SOD2: variants seen among roughly 807,000 people sequenced by gnomAD.
The protein encoded by SOD2 is superoxide dismutase 2, also known as superoxide dismutase [Mn], mitochondrial.
Under a neutral mutation model 27.0 loss-of-function variants are expected in SOD2, and 11 were observed. That is an observed-to-expected ratio of 0.41 (90% CI 0.26 to 0.67). The LOEUF (loss-of-function observed/expected upper bound fraction) is 0.67. Among genes scored for constraint, SOD2 ranks in the 30% least tolerant of loss-of-function variants. The pLI, the probability that SOD2 is intolerant of heterozygous loss-of-function variation, is 0.34. For missense variants in SOD2, 250 were observed against 274.5 expected, an observed-to-expected ratio of 0.91 and a Z score of 0.63; for synonymous variants, 105 against 103.0, an observed-to-expected ratio of 1.02 and a Z score of -0.12.
chr6:159,748,953 G>A (rs1279423317), upstream of SOD2: 78 of 1,089,708 alleles, frequency 7.2e-5, no homozygotes, highest in Non-Finnish European at 8.6e-5. The surrounding 1 kb of genome is among the most constrained non-coding windows in gnomAD (Gnocchi z 5.6). Context: ...TGCCTTTAAA[G>A]GGTTTATTTG....
chr6:159,690,041 T>C (rs1286925151), intron 2 of SOD2, among the ~76,000 whole-genome samples: 1 of 151,312 alleles, frequency 6.6e-6, no homozygotes, highest in Admixed American at 6.6e-5. Flanking sequence ...CCCAGCACTT[T>C]GGGAGGCTGA....
chr6:159,739,061 TTCAAAAACA>T, intron 1 of SOD2: 1 of 1,602,986 alleles, frequency 6.2e-7, no homozygotes. Flanking sequence ...ATGTTCTCTG[TTCAAAAACA>T]AAGTCTTTCT....
rs180937395 is a variant in SOD2 at position 159,754,889 on chromosome 6, T to G, written c.-336+6148A>C. ...CATATTTTAAGATTCCAAGCAAAAT[T>G]TTTAAATGTAGTGTGATTTTAGAAT... On this transcript the variant is annotated intron_variant, in intron 1 of 7. Coordinates refer to the SOD2 transcript ENST00000546087. 8,097 of 970,622 alleles carry G rather than the reference T, an allele frequency of 8.3e-3. 49 individuals carry two copies. Among genetic ancestry groups the G allele is most frequent in the Non-Finnish European group, 0.011 (7,381 of 692,470 alleles). The allele number at this position is 970,622 out of a possible 1,614,324, so 60.1% of individuals were successfully genotyped here.
At chr6:159,695,599 A>G (rs1272155463), upstream of SOD2, among the ~76,000 whole-genome samples, 1 of 152,110 alleles carries the variant, frequency 6.6e-6, no homozygotes, top group East Asian at 1.9e-4. Context: ...GGCTCATGTC[A>G]TTCTTCCACC....
intron 1 of SOD2, among the ~76,000 whole-genome samples, chr6:159,711,134 A>C (rs76479338): frequency 7.9e-5 from 7 of 88,404 alleles, no homozygotes; most frequent in South Asian, 7.6e-4. Flanking sequence ...TCTGATCACC[A>C]TAACCACCTC....
upstream of SOD2, among the ~76,000 whole-genome samples, chr6:159,727,860 G>C (rs111531886): frequency 0.037 from 5,678 of 152,120 alleles, 171 homozygotes; most frequent in Non-Finnish European, 0.055. Flanking sequence ...CTACCTTCCC[G>C]CCTGCGGGGA....
chr6:159,691,529 G>A (rs564234538), intron 2 of SOD2: 2 of 152,166 alleles, frequency 1.3e-5, no homozygotes, highest in African/African-American at 4.8e-5. Flanking sequence ...TTTTTACTAC[G>A]TAGCTTACCA....
At chr6:159,703,039 G>C (rs1371792664) in intron 1 of SOD2, among the ~76,000 whole-genome samples, 1 of 152,040 alleles carries the variant, frequency 6.6e-6, no homozygotes, top group East Asian at 1.9e-4. Context: ...TTCCGGCCAG[G>C]CATGGTGGCT....
At chr6:159,726,733 AC>A (rs1778186257) in intron 1 of SOD2, 2 of 1,277,166 alleles carry the variant, frequency 1.6e-6, no homozygotes, top group Non-Finnish European at 2.0e-6. Flanking sequence ...ACGCCAGAGA[AC>A]AATAGCTCCT....
At chr6:159,738,956 G>A in intron 1 of SOD2, 1 of 1,546,698 alleles carries the variant, frequency 6.5e-7, no homozygotes, top group Non-Finnish European at 8.9e-7. Context: ...TCTTCAGGAA[G>A]AACACTAAAT....
chr6:159,692,898 G>A (rs751856400), intron 1 of SOD2, 35 bp from the exon 2 acceptor site: 1 of 1,530,854 alleles, frequency 6.5e-7, no homozygotes. Flanking sequence ...GTCAGTCAGC[G>A]CCGCGGGACC....
chr6:159,713,221 T>A (rs1307232244), intron 1 of SOD2: 5 of 846,874 alleles, frequency 5.9e-6, no homozygotes, highest in Non-Finnish European at 9.5e-6. Context: ...CTTTTCCAAA[T>A]CTATCAGACC....
rs193111080 is a variant in SOD2, at chr6:159,732,937, C to T, written c.-116+12193G>A. Reference sequence around the variant, plus strand: ...TGTGTGTAAAATTGATATTTAGCTCCAGACAAATGGGAAATTACAAGGAAA... The same window carrying T: ...TGTGTGTAAAATTGATATTTAGCTCTAGACAAATGGGAAATTACAAGGAAA... On this transcript the variant is annotated intron_variant, in intron 1 of 3. Transcript: ENST00000537657. Among the ~76,000 whole-genome samples, 295 of 144,662 alleles carry T rather than the reference C, an allele frequency of 2.0e-3. 4 individuals are homozygous for T. The highest frequency in any genetic ancestry group is 6.3e-3 in the South Asian group (29 of 4,622). 94.9% of individuals were successfully genotyped at this position (144,662 alleles called of 152,430 possible).
At chr6:159,740,700 T>A in intron 1 of SOD2, among the ~76,000 whole-genome samples, 1 of 151,550 alleles carries the variant, frequency 6.6e-6, no homozygotes, top group East Asian at 1.9e-4. Context: ...TTTTTTTCTT[T>A]TTTCTTTCTT....
chr6:159,755,618 T>C (rs746564134), intron 1 of SOD2: 4 of 1,579,620 alleles, frequency 2.5e-6, no homozygotes, highest in Non-Finnish European at 3.4e-6. Flanking sequence ...GTAATATTTT[T>C]TCAGCAAATT....
intron 1 of SOD2, among the ~76,000 whole-genome samples, chr6:159,709,247 A>G (rs1777684144): frequency 6.6e-6 from 1 of 152,340 alleles, no homozygotes; most frequent in South Asian, 2.1e-4. Flanking sequence ...AATGGCAACA[A>G]AAGCCAAAAT....
intron 1 of SOD2, among the ~76,000 whole-genome samples, chr6:159,744,052 CATTTTTCAGAT>C (rs1217152336): frequency 6.6e-6 from 1 of 152,096 alleles, no homozygotes; most frequent in Non-Finnish European, 1.5e-5. Context: ...CAATTCCAGA[CATTTTTCAGAT>C]ATCTTGGTGT....
intron 1 of SOD2, among the ~76,000 whole-genome samples, chr6:159,707,212 G>C (rs1031322455): frequency 2.0e-5 from 3 of 152,128 alleles, no homozygotes; most frequent in African/African-American, 7.2e-5. Flanking sequence ...AAAAGAACTA[G>C]AGAAGCAAGA....
intron 1 of SOD2, among the ~76,000 whole-genome samples, chr6:159,756,666 G>A (rs1780018309): frequency 7.0e-6 from 1 of 143,040 alleles, no homozygotes; most frequent in Admixed American, 7.5e-5. Context: ...CAGTGGTGCA[G>A]TCATGGCTCA....
Sources: gnomAD v4.1 joint callset for allele counts (sites outside exome capture counted in the v4.1 genomes callset) on GRCh38, gnomAD v4.1.1 for gene constraint, Gnocchi (gnomAD v3.1) non-coding constraint, MANE v1.5 for transcripts, NCBI Gene and HGNC (gene_info 2026-07-23, HGNC 2026-07-21) for gene names.